The following WWOX variants were observed in gnomAD, a reference collection of about 807,000 sequenced individuals.
The protein encoded by WWOX is WW domain-containing oxidoreductase.
WWOX carries 69 observed loss-of-function variants against 46.2 expected under a neutral mutation model. That is an observed-to-expected ratio of 1.49 (90% CI 1.23 to 1.82). WWOX has a LOEUF of 1.82. Among genes scored for constraint, WWOX ranks in the 40% most tolerant of loss-of-function variants. WWOX has a pLI of 0.00. For synonymous variants in WWOX, 359 were observed against 202.6 expected (o/e 1.77, Z -6.56); for missense variants, 919 against 542.6 (o/e 1.69, Z -6.89).
At chr16:79,042,878 C>A (rs1373251219) in intron 8 of WWOX, among the ~76,000 whole-genome samples, 2 of 152,116 alleles carry the variant, frequency 1.3e-5, no homozygotes, top group Non-Finnish European at 2.9e-5. Flanking sequence ...GCTTTTATTG[C>A]TTCTATTCAT....
At chr16:78,542,440 G>C (rs369759360) in intron 8 of WWOX, among the ~76,000 whole-genome samples, 8 of 152,110 alleles carry the variant, frequency 5.3e-5, no homozygotes, top group African/African-American at 1.9e-4. Flanking sequence ...CCCAGTTTGC[G>C]TTTGAATTTG....
intron 8 of WWOX, among the ~76,000 whole-genome samples, chr16:79,189,140 G>T (rs1036783054): frequency 6.6e-6 from 1 of 152,164 alleles, no homozygotes; most frequent in African/African-American, 2.4e-5. Context: ...TTGCCCCTGG[G>T]ACATTGGACT....
chr16:78,481,724 A>AGTGCGTGTGT (rs1555547245), intron 8 of WWOX, among the ~76,000 whole-genome samples: 1 of 136,970 alleles, frequency 7.3e-6, no homozygotes, highest in Non-Finnish European at 1.6e-5. Flanking sequence ...GGGCAAGGGA[A>AGTGCGTGTGT]GTGTGTGTGT....
intron 8 of WWOX, among the ~76,000 whole-genome samples, chr16:78,727,437 C>G (rs1474862382): frequency 4.6e-5 from 7 of 152,116 alleles, no homozygotes; most frequent in Non-Finnish European, 1.0e-4. Context: ...TGACACTGTC[C>G]TCTGGTCCTG....
intron 4 of WWOX, among the ~76,000 whole-genome samples, chr16:78,151,618 T>G (rs376223467): frequency 1.5e-4 from 23 of 152,112 alleles, no homozygotes; most frequent in African/African-American, 5.5e-4. Context: ...GGCTCCTCCC[T>G]TTTTTTCTCA....
intron 8 of WWOX, among the ~76,000 whole-genome samples, chr16:78,926,434 T>C (rs2045500267): frequency 6.6e-6 from 1 of 152,052 alleles, no homozygotes; most frequent in South Asian, 2.1e-4. Context: ...AATGTAACTG[T>C]CTATAATTTC....
chr16:78,119,311 G>T (rs1270028555), intron 4 of WWOX, among the ~76,000 whole-genome samples: 1 of 152,134 alleles, frequency 6.6e-6, no homozygotes, highest in African/African-American at 2.4e-5. Context: ...TTTAGGCGAG[G>T]GAATTTCGCA....
chr16:79,082,601 A>T (rs1167803175), intron 8 of WWOX, among the ~76,000 whole-genome samples: 1 of 152,140 alleles, frequency 6.6e-6, no homozygotes, highest in Non-Finnish European at 1.5e-5. Flanking sequence ...AGCCCGCCAG[A>T]AAGTCGCGAG....
chr16:78,847,451 C>G (rs2052329095), intron 8 of WWOX, among the ~76,000 whole-genome samples: 1 of 151,902 alleles, frequency 6.6e-6, no homozygotes, highest in Admixed American at 6.6e-5. Context: ...GTGTTTGTAC[C>G]TAATTCCAAT....
At chr16:78,723,281 G>A (rs1490112622) in intron 8 of WWOX, among the ~76,000 whole-genome samples, 1 of 152,120 alleles carries the variant, frequency 6.6e-6, no homozygotes, top group African/African-American at 2.4e-5. Context: ...GGAAGCTTTT[G>A]AAAACTCCCA....
chr16:78,519,327 C>G (rs976956310), intron 8 of WWOX, among the ~76,000 whole-genome samples: 4 of 152,116 alleles, frequency 2.6e-5, no homozygotes, highest in Non-Finnish European at 5.9e-5. Context: ...GCATGTTGCT[C>G]TGGTAATAGT....
intron 8 of WWOX, among the ~76,000 whole-genome samples, chr16:79,104,285 G>A (rs930184171): frequency 2.0e-5 from 3 of 151,996 alleles, no homozygotes; most frequent in African/African-American, 7.3e-5. Flanking sequence ...TAATGTTTTG[G>A]TAAAACCTCA....
chr16:78,718,443 A>C (rs113676345), intron 8 of WWOX, among the ~76,000 whole-genome samples: 9 of 152,186 alleles, frequency 5.9e-5, no homozygotes, highest in Non-Finnish European at 8.8e-5. Context: ...GTTGGAGCCA[A>C]ACTTTATAAC....
chr16:78,453,442 CT>C (rs2083739995), intron 8 of WWOX, among the ~76,000 whole-genome samples: 1 of 151,394 alleles, frequency 6.6e-6, no homozygotes, highest in East Asian at 1.9e-4. Context: ...AAAAAAATTT[CT>C]TATTCAGTTG....
chr16:78,598,092 A>T (rs564644593), intron 8 of WWOX, among the ~76,000 whole-genome samples: 1 of 152,230 alleles, frequency 6.6e-6, no homozygotes, highest in African/African-American at 2.4e-5. Flanking sequence ...ATTTTAGTCA[A>T]TGTGCTTTCA....
At chr16:78,655,986 A>G (rs1441329829) in intron 8 of WWOX, among the ~76,000 whole-genome samples, 3 of 152,152 alleles carry the variant, frequency 2.0e-5, no homozygotes, top group Admixed American at 6.5e-5. Flanking sequence ...CCAGGGGGAA[A>G]AAAAGAGAAA....
chr16:79,011,487 A>G (rs1199310794), intron 8 of WWOX, among the ~76,000 whole-genome samples: 4 of 144,816 alleles, frequency 2.8e-5, no homozygotes, highest in Admixed American at 7.0e-5. Flanking sequence ...TTATTTATTT[A>G]TTTATTTATT....
chr16:78,408,603 C>T (rs529035070), intron 6 of WWOX, among the ~76,000 whole-genome samples: 3 of 152,316 alleles, frequency 2.0e-5, no homozygotes, highest in South Asian at 2.1e-4. Context: ...TCCTGTCCTA[C>T]GTAGCTATCT....
chr16:78,820,822 C>T (rs143513149), intron 8 of WWOX, among the ~76,000 whole-genome samples: 2 of 152,114 alleles, frequency 1.3e-5, no homozygotes, highest in African/African-American at 2.4e-5. Context: ...AGGGAGAAAC[C>T]ATGCCATGCC....
Sources: gnomAD v4.1 joint callset for allele counts (sites outside exome capture counted in the v4.1 genomes callset) on GRCh38, gnomAD v4.1.1 for gene constraint, MANE v1.5 for transcripts, NCBI Gene and HGNC (gene_info 2026-07-23, HGNC 2026-07-21) for gene names.